The following C6 variants were observed in gnomAD, a reference collection of about 807,000 sequenced individuals.
C6 encodes the protein complement C6.
In C6, 101 loss-of-function variants were observed where a neutral mutation model predicts 112.9. The observed-to-expected ratio is 0.89, with a 90% CI of 0.76 to 1.06. The LOEUF is 1.06. Ranked by LOEUF, C6 falls within the 50% of genes least tolerant of loss-of-function variation. C6 has a pLI of 0.00. For missense variants in C6, 1,202 were observed against 1,104.6 expected (o/e 1.09, Z -1.25); for synonymous variants, 431 against 384.1 (o/e 1.12, Z -1.43).
upstream of C6, among the ~76,000 whole-genome samples, chr5:41,213,834 T>C (rs1752086389): frequency 2.0e-5 from 3 of 152,186 alleles, no homozygotes; most frequent in Non-Finnish European, 4.4e-5. Context: ...AGAAATGTTT[T>C]TGGAGACAAT....
intron 5 of C6, among the ~76,000 whole-genome samples, chr5:41,186,932 C>T (rs1265311943): frequency 6.6e-6 from 1 of 151,998 alleles, no homozygotes; most frequent in Non-Finnish European, 1.5e-5. Flanking sequence ...AAAACTTCTC[C>T]AAGATGCTAA....
At chr5:41,238,939 T>G (rs901797247) in intron 1 of C6, among the ~76,000 whole-genome samples, 11 of 152,130 alleles carry the variant, frequency 7.2e-5, no homozygotes, top group Non-Finnish European at 1.5e-4. Context: ...GCTAATAACA[T>G]TCCTAAAAAT....
At position 41,160,241 on chromosome 5, in the gene C6, T is replaced by C; in HGVS notation, c.1585A>G (p.Asn529Asp). The change falls in exon 11 of 18, where the codon AAT (asparagine) becomes GAT (aspartate). Residue 529 changes from asparagine (N) to aspartate (D), a missense_variant. By Grantham distance (23) the Asn-to-Asp change is conservative (BLOSUM62 1). Transcript: ENST00000337836. ...DPCQCAPCPN[N>D]GRPTLSGTEC... ...GTCCCTGAGAGGGTGGGTCGGCCAT[T>C]ATTAGGGCATGGAGCACACTGGCAA... The C allele has an allele frequency of 6.2e-7, 1 of 1,613,882 alleles. No homozygotes were observed. Among genetic ancestry groups the C allele is most frequent in the Non-Finnish European group, 8.5e-7 (1 of 1,179,856 alleles).
chr5:41,236,163 C>A (rs1423347165), intron 1 of C6, among the ~76,000 whole-genome samples: 1 of 105,398 alleles, frequency 9.5e-6, no homozygotes, highest in East Asian at 2.6e-4. Context: ...ACGCCTATGT[C>A]CTGAATGGTA....
intron 10 of C6, 21 bp from the exon 11 acceptor site, chr5:41,160,388 G>A (rs1561109559): frequency 1.9e-6 from 3 of 1,584,470 alleles, no homozygotes; most frequent in Non-Finnish European, 2.6e-6. Flanking sequence ...ATGGGAGAGA[G>A]GAGGTCCAGT....
At chr5:41,230,972 C>T (rs10036421) in intron 1 of C6, among the ~76,000 whole-genome samples, 17,067 of 152,116 alleles carry the variant, frequency 0.11, 1,931 homozygotes, top group African/African-American at 0.29. Context: ...CTTTATCATA[C>T]AATAAATTCT....
At chr5:41,234,782 A>G (rs1456207062) in intron 1 of C6, among the ~76,000 whole-genome samples, 1 of 152,192 alleles carries the variant, frequency 6.6e-6, no homozygotes, top group Non-Finnish European at 1.5e-5. Flanking sequence ...ATGAGAAACT[A>G]AGAAAGTTAT....
chr5:41,205,058 A>G (rs1421050222), intron 1 of C6, among the ~76,000 whole-genome samples: 1 of 152,212 alleles, frequency 6.6e-6, no homozygotes, highest in Non-Finnish European at 1.5e-5. Flanking sequence ...GAATGAACAC[A>G]CATTTGGGTA....
intron 11 of C6, chr5:41,159,535 G>A: frequency 1.1e-6 from 1 of 905,080 alleles, no homozygotes; most frequent in Non-Finnish European, 1.3e-6. Flanking sequence ...TCTTGGCTTT[G>A]GAGGCCTTTT....
intron 7 of C6, among the ~76,000 whole-genome samples, chr5:41,177,917 G>C (rs1462662573): frequency 6.6e-6 from 1 of 152,144 alleles, no homozygotes. Flanking sequence ...GAGAACCATA[G>C]TTTTCAAAAG....
intron 3 of C6, among the ~76,000 whole-genome samples, chr5:41,200,198 T>A (rs1750908748): frequency 6.6e-6 from 1 of 152,192 alleles, no homozygotes; most frequent in South Asian, 2.1e-4. Context: ...AAATAAAATA[T>A]ATAAATGTTT....
intron 1 of C6, among the ~76,000 whole-genome samples, chr5:41,250,680 T>C (rs1210423085): frequency 6.6e-6 from 1 of 152,130 alleles, no homozygotes; most frequent in African/African-American, 2.4e-5. Context: ...TAGAATGAGA[T>C]CACATAGAGT....
intron 1 of C6, among the ~76,000 whole-genome samples, chr5:41,222,211 A>T (rs1739218059): frequency 6.6e-6 from 1 of 151,662 alleles, no homozygotes; most frequent in Admixed American, 6.6e-5. Context: ...TAATTATTTT[A>T]CTTTTGCTCA....
intron 1 of C6, among the ~76,000 whole-genome samples, chr5:41,260,227 TA>T (rs1276529227): frequency 3.9e-5 from 6 of 152,008 alleles, no homozygotes; most frequent in African/African-American, 1.5e-4. Flanking sequence ...TTCATTTGCC[TA>T]GGCAAATGAA....
intron 17 of C6, among the ~76,000 whole-genome samples, 158 bp from the exon 18 acceptor site, chr5:41,143,164 A>G (rs1298134468): frequency 6.6e-6 from 1 of 152,140 alleles, no homozygotes; most frequent in Non-Finnish European, 1.5e-5. Context: ...AATAAAAATT[A>G]AAAACAAAAC....
In C6 at chr5:41,203,204, G is replaced by T; in HGVS notation, c.27C>A (p.Phe9Leu). Residue 9 changes from phenylalanine (F) to leucine (L), a missense_variant, in exon 2 of 18, where the codon TTC (phenylalanine) becomes TTA (leucine). Coordinates refer to ENST00000337836, the MANE Select transcript of C6 (RefSeq NM_000065.5). MARRSVLYFILLNALINKG... is the reference protein window; with the variant it reads MARRSVLYLILLNALINKG... ...TGTTGATCAGAGCATTCAGCAGGATGAAGTACAAGACAGAGCGTCTGGCCA... is the reference window on the plus strand; with the variant it reads ...TGTTGATCAGAGCATTCAGCAGGATTAAGTACAAGACAGAGCGTCTGGCCA... 6.2e-7 allele frequency: 1 copy of T among 1,614,144 alleles called. No homozygotes were observed.
intron 1 of C6, among the ~76,000 whole-genome samples, chr5:41,211,420 A>T (rs937075368): frequency 6.6e-6 from 1 of 152,030 alleles, no homozygotes; most frequent in Non-Finnish European, 1.5e-5. Context: ...TTCCCACTCC[A>T]CTTGCAAGCT....
chr5:41,155,493 G>C (rs984109530), intron 13 of C6, among the ~76,000 whole-genome samples: 2 of 152,086 alleles, frequency 1.3e-5, no homozygotes, highest in Non-Finnish European at 2.9e-5. Context: ...TTCGAGACCA[G>C]CTGGGGCAAT....
upstream of C6, among the ~76,000 whole-genome samples, chr5:41,215,996 C>T (rs568903656): frequency 1.3e-5 from 2 of 152,188 alleles, no homozygotes; most frequent in South Asian, 2.1e-4. Flanking sequence ...TCAGAGTGTG[C>T]TTTGTCAGTC....
Sources: allele counts gnomAD v4.1 joint callset (sites outside exome capture counted in the v4.1 genomes callset), GRCh38; gene constraint gnomAD v4.1.1; transcripts MANE v1.5; gene names NCBI Gene and HGNC (gene_info 2026-07-23, HGNC 2026-07-21).